PI4K2B: variants seen among roughly 807,000 people sequenced by gnomAD.
The protein encoded by PI4K2B is phosphatidylinositol 4-kinase type 2 beta.
Under a neutral mutation model 56.6 loss-of-function variants are expected in PI4K2B, and 46 were observed. The observed-to-expected ratio is 0.81, with a 90% CI of 0.64 to 1.04. The LOEUF is 1.04. Among genes scored for constraint, PI4K2B ranks in the 50% least tolerant of loss-of-function variants. The pLI, the probability that PI4K2B is intolerant of heterozygous loss-of-function variation, is 0.00. For synonymous variants in PI4K2B, 211 were observed against 223.8 expected, an observed-to-expected ratio of 0.94 and a Z score of 0.51; for missense variants, 556 against 607.7, an observed-to-expected ratio of 0.91 and a Z score of 0.89.
intron 7 of PI4K2B, among the ~76,000 whole-genome samples, chr4:25,266,785 GAAAT>G (rs1463892234): frequency 6.6e-6 from 1 of 152,026 alleles, no homozygotes; most frequent in Non-Finnish European, 1.5e-5. Context: ...TGAGAGAGAG[GAAAT>G]AGCTTTTAAA....
At chr4:25,238,520 C>T (rs1226993109) in intron 1 of PI4K2B, among the ~76,000 whole-genome samples, 3 of 152,090 alleles carry the variant, frequency 2.0e-5, no homozygotes, top group Non-Finnish European at 4.4e-5. Flanking sequence ...TTCTTAAAGG[C>T]GGTGTGTTCG....
intron 1 of PI4K2B, among the ~76,000 whole-genome samples, chr4:25,240,546 G>A (rs1042008582): frequency 2.6e-5 from 4 of 152,098 alleles, no homozygotes; most frequent in Non-Finnish European, 5.9e-5. Context: ...GTACTGATAG[G>A]GTCTGATTTC....
chr4:25,265,392 T>G (rs540534774), intron 7 of PI4K2B, among the ~76,000 whole-genome samples: 1 of 152,184 alleles, frequency 6.6e-6, no homozygotes, highest in South Asian at 2.1e-4. Flanking sequence ...GATCAGGCTT[T>G]TAGTTTGTTT....
intron 2 of PI4K2B, among the ~76,000 whole-genome samples, chr4:25,253,154 A>G (rs1241043313): frequency 1.3e-5 from 2 of 152,164 alleles, no homozygotes; most frequent in East Asian, 3.9e-4. Flanking sequence ...TCATTTCCAA[A>G]GTACTTGATT....
Position 25,277,995 on chromosome 4 carries a change from A to G in PI4K2B, c.*808A>G, listed in dbSNP as rs1560383612. On this transcript the variant is annotated 3_prime_UTR_variant, in exon 10 of 10. Coordinates refer to ENST00000264864, the MANE Select transcript of PI4K2B (RefSeq NM_018323.4). The stretch of plus-strand genomic sequence containing the variant: ...TACTTCAGAGTACTGGCCTTGTTCA[A>G]TTTAGTACTTCAATTAGTATTAAAC... 6.6e-6 allele frequency: 1 copy of G among 152,158 alleles called. No individual in the cohort carries two copies. The highest frequency in any genetic ancestry group is 6.5e-5 in the Admixed American group (1 of 15,274). 9.4% of individuals were successfully genotyped at this position (152,158 alleles called of 1,614,324 possible). A position where few individuals can be genotyped will look rare whatever the true frequency, so the allele number is the denominator to read the frequency against.
chr4:25,234,432 G>A lies in PI4K2B; in HGVS notation c.268+1G>A. On this transcript the variant is annotated splice_donor_variant, in intron 1 of 9. Coordinates refer to ENST00000264864, the MANE Select transcript of PI4K2B (RefSeq NM_018323.4). LOFTEE classifies it high-confidence loss of function. The stretch of plus-strand genomic sequence containing the variant: ...GACCGGAGCCGCCCCGCGGTTTCAG[G>A]TGCGACCCGGCCCTGCCCCACTCCC... 7.5e-7 allele frequency: 1 copy of A among 1,336,580 alleles called. No homozygotes were observed. The highest frequency in any genetic ancestry group is 9.6e-7 in the Non-Finnish European group (1 of 1,043,386). The allele number at this position is 1,336,580 out of a possible 1,614,324, so 82.8% of individuals were successfully genotyped here.
chr4:25,276,943 G>C, intron 9 of PI4K2B, 71 bp from the exon 10 acceptor site: 1 of 1,459,800 alleles, frequency 6.9e-7, no homozygotes, highest in Non-Finnish European at 9.1e-7. Flanking sequence ...TGAATAAATG[G>C]TTTAAAAAAT....
At chr4:25,242,018 A>C (rs1163226702) in intron 1 of PI4K2B, among the ~76,000 whole-genome samples, 1 of 152,198 alleles carries the variant, frequency 6.6e-6, no homozygotes, top group Non-Finnish European at 1.5e-5. Context: ...CATAGTCAGC[A>C]AAAGCCGGTA....
chr4:25,243,896 G>A (rs1053944526), intron 1 of PI4K2B, among the ~76,000 whole-genome samples: 4 of 152,160 alleles, frequency 2.6e-5, no homozygotes, highest in African/African-American at 7.2e-5. Flanking sequence ...GGGATGGCTT[G>A]CTGACTGGTA....
At chr4:25,262,439 G>C (rs999368102) in intron 6 of PI4K2B, among the ~76,000 whole-genome samples, 1 of 152,092 alleles carries the variant, frequency 6.6e-6, no homozygotes, top group Non-Finnish European at 1.5e-5. Flanking sequence ...AAATTCTTTT[G>C]CTCTAAGTAT....
intron 7 of PI4K2B, among the ~76,000 whole-genome samples, chr4:25,266,172 G>T (rs1196654465): frequency 6.6e-6 from 1 of 151,728 alleles, no homozygotes; most frequent in African/African-American, 2.4e-5. Context: ...CTACATTTAT[G>T]CATGTGTGAA....
intron 9 of PI4K2B, among the ~76,000 whole-genome samples, chr4:25,269,615 A>C (rs1333798100): frequency 6.7e-6 from 1 of 150,198 alleles, no homozygotes. Context: ...CTCCAGCCTG[A>C]GCAACAAGAG....
chr4:25,234,514 G>C (rs1715158820), intron 1 of PI4K2B, 83 bp downstream of exon 1: 1 of 1,012,228 alleles, frequency 9.9e-7, no homozygotes, highest in Non-Finnish European at 1.3e-6. Flanking sequence ...TCCCGCGCGC[G>C]CTGGCCGAGG....
Position 25,249,505 on chromosome 4 carries a change from G to T in PI4K2B, c.269-2816G>T. Among the ~76,000 whole-genome samples the T allele has an allele frequency of 1.3e-5, 2 of 150,270 alleles. 1 individual carries two copies. Among genetic ancestry groups the T allele is most frequent in the Non-Finnish European group, 3.0e-5 (2 of 67,744 alleles). On this transcript the variant is annotated intron_variant, in intron 1 of 9. Transcript: ENST00000264864. Reference sequence around the variant, plus strand: ...GGCTGCCCCCCGCCTCCCGGACGGGGTGGCTGCCGGGCGGAGGGGCTCCTC... The same window carrying T: ...GGCTGCCCCCCGCCTCCCGGACGGGTTGGCTGCCGGGCGGAGGGGCTCCTC...
At chr4:25,240,883 G>T (rs888924677) in intron 1 of PI4K2B, among the ~76,000 whole-genome samples, 1 of 151,270 alleles carries the variant, frequency 6.6e-6, no homozygotes, top group Non-Finnish European at 1.5e-5. Flanking sequence ...CCTTCTCTTT[G>T]TCTCTCTGTT....
chr4:25,276,198 T>G (rs1036164916), intron 9 of PI4K2B: 2 of 153,452 alleles, frequency 1.3e-5, no homozygotes, highest in South Asian at 2.1e-4. Flanking sequence ...GAAGATGAAC[T>G]GCTATAATTT....
At chr4:25,235,592 G>A (rs746649563) in intron 1 of PI4K2B, among the ~76,000 whole-genome samples, 1 of 152,200 alleles carries the variant, frequency 6.6e-6, no homozygotes, top group Non-Finnish European at 1.5e-5. Context: ...AATGTTACCT[G>A]ATGGATGCAT....
In PI4K2B at chr4:25,278,886, G is replaced by A. The variant is rs1717202886; in HGVS notation, c.*1699G>A. Reference sequence around the variant, plus strand: ...TTATATCATAAAATTAAAATACCATGGTAATATTTGCAAAAGGTCTGGCCA... The same window carrying A: ...TTATATCATAAAATTAAAATACCATAGTAATATTTGCAAAAGGTCTGGCCA... On this transcript the variant is annotated 3_prime_UTR_variant, in exon 10 of 10. Transcript: ENST00000264864. The A allele has an allele frequency of 6.6e-6, 1 of 152,566 alleles. No homozygotes were observed. Among genetic ancestry groups the A allele is most frequent in the African/African-American group, 2.4e-5 (1 of 41,488 alleles). 9.5% of individuals were successfully genotyped at this position (152,566 alleles called of 1,614,324 possible).
chr4:25,260,438 C>T (rs1289463039), intron 5 of PI4K2B, 86 bp from the exon 6 acceptor site: 5 of 500,800 alleles, frequency 1.0e-5, no homozygotes, highest in African/African-American at 2.0e-5. Flanking sequence ...TCTCAAAAAT[C>T]AGGAGATCAC....
Sources: allele counts gnomAD v4.1 joint callset (sites outside exome capture counted in the v4.1 genomes callset), GRCh38; gene constraint gnomAD v4.1.1; transcripts MANE v1.5; gene names NCBI Gene and HGNC (gene_info 2026-07-23, HGNC 2026-07-21).